Variants in EPHA3 observed in about 807,000 individuals in gnomAD.
EPHA3 encodes the protein ephrin type-A receptor 3.
EPHA3 carries 42 observed loss-of-function variants against 107.1 expected under a neutral mutation model. The ratio of observed to expected loss-of-function variants is 0.39; its 90% CI spans 0.31 to 0.51. The LOEUF (loss-of-function observed/expected upper bound fraction) is 0.51. EPHA3 is among the 20% of genes least tolerant of loss of function. The pLI is 0.78. For missense variants in EPHA3, 1,183 were observed against 1,211.2 expected, an observed-to-expected ratio of 0.98 and a Z score of 0.35; for synonymous variants, 461 against 424.8, an observed-to-expected ratio of 1.09 and a Z score of -1.05.
At chr3:89,116,821 C>G (rs1707269133) in intron 1 of EPHA3, among the ~76,000 whole-genome samples, 1 of 151,626 alleles carries the variant, frequency 6.6e-6, no homozygotes, top group Non-Finnish European at 1.5e-5. Context: ...GAAGAATTAG[C>G]AACAAACTTT....
chr3:89,142,252 A>G (rs1309735577), intron 2 of EPHA3, among the ~76,000 whole-genome samples: 1 of 151,396 alleles, frequency 6.6e-6, no homozygotes, highest in Non-Finnish European at 1.5e-5. Context: ...TTTGAAAAGC[A>G]CTGAAATGAT....
intron 2 of EPHA3, among the ~76,000 whole-genome samples, chr3:89,147,036 G>T (rs1704574038): frequency 6.6e-6 from 1 of 151,706 alleles, no homozygotes; most frequent in African/African-American, 2.4e-5. Flanking sequence ...TCCTTTGCAG[G>T]GACACAGATA....
rs1352743782 is a variant in EPHA3, at chr3:89,481,048, A to G, written c.*1546A>G. 1 of 231,772 alleles carries G rather than the reference A, an allele frequency of 4.3e-6. No individual in the cohort carries two copies. The highest frequency in any genetic ancestry group is 2.2e-5 in the African/African-American group (1 of 45,294). 14.4% of individuals were successfully genotyped at this position (231,772 alleles called of 1,614,324 possible). On this transcript the variant is annotated 3_prime_UTR_variant, in exon 17 of 17. Transcript: ENST00000336596. Reference sequence around the variant, plus strand: ...ATATCTAGCTAGTAATATATTCTGAAGCAACATTTTAGCTCTATTGATACT... The same window carrying G: ...ATATCTAGCTAGTAATATATTCTGAGGCAACATTTTAGCTCTATTGATACT...
chr3:89,125,251 T>G (rs1704070057), intron 1 of EPHA3, among the ~76,000 whole-genome samples: 1 of 151,810 alleles, frequency 6.6e-6, no homozygotes, highest in Non-Finnish European at 1.5e-5. Context: ...TCTAATAATT[T>G]ATGTATACTG....
intron 5 of EPHA3, among the ~76,000 whole-genome samples, chr3:89,358,986 A>G (rs1359629615): frequency 6.6e-6 from 1 of 151,270 alleles, no homozygotes; most frequent in Non-Finnish European, 1.5e-5. Context: ...AACTCACCAC[A>G]TTAATCTGAC....
At chr3:89,349,600 C>T (rs1231174882) in intron 5 of EPHA3, among the ~76,000 whole-genome samples, 1 of 138,048 alleles carries the variant, frequency 7.2e-6, no homozygotes, top group African/African-American at 2.7e-5. Flanking sequence ...TTAATTGGAG[C>T]ATTTAGTCCA....
intron 5 of EPHA3, among the ~76,000 whole-genome samples, chr3:89,344,278 A>G (rs2107425627): frequency 6.6e-6 from 1 of 152,342 alleles, no homozygotes; most frequent in Non-Finnish European, 1.5e-5. Context: ...AACCAAGATC[A>G]GGCCAAGACA....
intron 2 of EPHA3, among the ~76,000 whole-genome samples, chr3:89,131,410 C>G (rs1704205116): frequency 1.3e-5 from 2 of 151,998 alleles, no homozygotes; most frequent in Non-Finnish European, 2.9e-5. Context: ...CTAAAAACAG[C>G]CTTTTGCTTA....
chr3:89,433,510 G>A (rs902259782), intron 13 of EPHA3, among the ~76,000 whole-genome samples: 5 of 152,220 alleles, frequency 3.3e-5, no homozygotes, highest in Non-Finnish European at 7.4e-5. Context: ...TAGGAGGTAG[G>A]ACTCTCCCAA....
At chr3:89,409,668 G>T (rs551217114) in intron 9 of EPHA3, among the ~76,000 whole-genome samples, 1 of 152,086 alleles carries the variant, frequency 6.6e-6, no homozygotes, top group South Asian at 2.1e-4. Context: ...TAACTTATAT[G>T]CATGTCATAA....
At position 89,191,803 on chromosome 3, in the gene EPHA3, A is replaced by G. The variant is rs1001163766; in HGVS notation, c.154-18057A>G. Among the ~76,000 whole-genome samples the G allele has an allele frequency of 5.6e-4, 86 of 152,224 alleles. 1 individual carries two copies. The highest frequency in any genetic ancestry group is 2.0e-3 in the African/African-American group (84 of 41,560). On this transcript the variant is annotated intron_variant, in intron 2 of 16. Transcript: ENST00000336596. Reference sequence around the variant, plus strand: ...AGAGTTAGGAAAAATAATTTAAAGTACTATCATCAGACCGGTCCAGAAATG... The same window carrying G: ...AGAGTTAGGAAAAATAATTTAAAGTGCTATCATCAGACCGGTCCAGAAATG...
At chr3:89,272,099 T>C (rs80311518) in intron 3 of EPHA3, among the ~76,000 whole-genome samples, 5,240 of 152,058 alleles carry the variant, frequency 0.034, 311 homozygotes, top group African/African-American at 0.12. Context: ...CAAATACGCA[T>C]TAATCGACTC....
intron 5 of EPHA3, among the ~76,000 whole-genome samples, chr3:89,384,449 G>A (rs1391082931): frequency 1.3e-5 from 2 of 152,012 alleles, no homozygotes; most frequent in East Asian, 1.9e-4. Flanking sequence ...ATTGTTTTTC[G>A]CTCTCTGGGA....
chr3:89,307,270 C>T (rs1244807745), intron 3 of EPHA3, among the ~76,000 whole-genome samples: 1 of 152,132 alleles, frequency 6.6e-6, no homozygotes, highest in Non-Finnish European at 1.5e-5. Context: ...GCATCCATAA[C>T]TAGTTTTGGG....
chr3:89,424,340 T>C (rs1198434261), intron 11 of EPHA3, among the ~76,000 whole-genome samples: 1 of 151,414 alleles, frequency 6.6e-6, no homozygotes, highest in Non-Finnish European at 1.5e-5. Context: ...AATTTTTTAT[T>C]AGCACATCAT....
At chr3:89,162,480 C>T (rs1373226753) in intron 2 of EPHA3, among the ~76,000 whole-genome samples, 1 of 152,174 alleles carries the variant, frequency 6.6e-6, no homozygotes, top group East Asian at 1.9e-4. Context: ...TTCCTTCACT[C>T]AGTATTGTTC....
chr3:89,367,608 G>A (rs150593802), intron 5 of EPHA3, among the ~76,000 whole-genome samples: 10 of 150,578 alleles, frequency 6.6e-5, no homozygotes, highest in South Asian at 2.1e-4. Context: ...TCTTAGCCTC[G>A]AAATTAAGAT....
chr3:89,185,227 A>C (rs181597210), intron 2 of EPHA3, among the ~76,000 whole-genome samples: 72 of 152,118 alleles, frequency 4.7e-4, no homozygotes, highest in Non-Finnish European at 9.6e-4. Flanking sequence ...CTCCTTGTCA[A>C]ACATTTATTT....
At chr3:89,338,231 T>C (rs758190040) in intron 3 of EPHA3, among the ~76,000 whole-genome samples, 64 of 152,318 alleles carry the variant, frequency 4.2e-4, no homozygotes, top group African/African-American at 1.4e-3. Context: ...AGTTTGGGTA[T>C]TGAGTACCAA....
Sources: gnomAD v4.1 joint callset for allele counts (sites outside exome capture counted in the v4.1 genomes callset) on GRCh38, gnomAD v4.1.1 for gene constraint, MANE v1.5 for transcripts, NCBI Gene and HGNC (gene_info 2026-07-23, HGNC 2026-07-21) for gene names.